Variants in ERCC6 observed in about 807,000 individuals in gnomAD.
The protein encoded by ERCC6 is DNA excision repair protein ERCC-6.
Under a neutral mutation model 158.7 loss-of-function variants are expected in ERCC6, and 116 were observed. That is an observed-to-expected ratio of 0.73 (90% CI 0.63 to 0.85). The LOEUF (loss-of-function observed/expected upper bound fraction) is 0.85. Among genes scored for constraint, ERCC6 ranks in the 40% least tolerant of loss-of-function variants. The probability of loss-of-function intolerance (pLI) is 0.00; values close to 1 mark genes in which losing one functional copy is unlikely to be tolerated. For synonymous variants in ERCC6, 678 were observed against 659.3 expected, an observed-to-expected ratio of 1.03 and a Z score of -0.43; for missense variants, 1,698 against 1,799.4, an observed-to-expected ratio of 0.94 and a Z score of 1.02.
chr10:49,526,399 G>A (rs1239553982), intron 4 of ERCC6, among the ~76,000 whole-genome samples: 1 of 151,822 alleles, frequency 6.6e-6, no homozygotes, highest in Non-Finnish European at 1.5e-5. Context: ...TGTGTAGGAA[G>A]TGTTCCAGTC....
Position 49,478,376 on chromosome 10 carries a change from G to A in ERCC6, c.2264C>T (p.Ser755Phe). 6.2e-7 allele frequency: 1 copy of A among 1,612,952 alleles called. No homozygotes were observed. Among genetic ancestry groups the A allele is most frequent in the Non-Finnish European group, 8.5e-7 (1 of 1,178,922 alleles). The change falls in exon 11 of 21, where the codon TCT becomes TTT. Residue 755 changes from serine (S) to phenylalanine (F), a missense_variant. Ser to Phe is a radical substitution (Grantham distance 155). Coordinates refer to ENST00000355832, the MANE Select transcript of ERCC6 (RefSeq NM_000124.4). ...GACCTGTTCATTTTTATCTGGCAAA[G>A]AAAGGCTCATCTTGACATCTGACTT... ...RMKSDVKMSL[S>F]LPDKNEQVLF... is the part of the protein sequence containing the mutation.
At chr10:49,535,219 G>A (rs1837569257) in intron 1 of ERCC6, among the ~76,000 whole-genome samples, 2 of 152,216 alleles carry the variant, frequency 1.3e-5, no homozygotes, top group African/African-American at 4.8e-5. Context: ...AAAGGAAGCA[G>A]ATAGGAAGCA....
chr10:49,524,240 C>T lies in ERCC6; in HGVS notation c.1190G>A (p.Gly397Glu). Residue 397 changes from glycine to glutamate, a missense_variant, in exon 5 of 21, where the codon GGA becomes GAA. Physicochemically the swap from Gly to Glu is moderately conservative, Grantham distance 98 (BLOSUM62 -2). Transcript: ENST00000355832. ...EVEGAEADLS[G>E]DGTDYELKPL... Reference sequence around the variant, plus strand: ...CTTCAGCTCATAGTCAGTACCATCTCCAGACAGGTCCGCCTCTGCCCCCTC... The same window carrying T: ...CTTCAGCTCATAGTCAGTACCATCTTCAGACAGGTCCGCCTCTGCCCCCTC... The T allele has an allele frequency of 6.2e-7, 1 of 1,614,148 alleles. No homozygotes were observed. The highest frequency in any genetic ancestry group is 8.5e-7 in the Non-Finnish European group (1 of 1,180,026).
intron 10 of ERCC6, among the ~76,000 whole-genome samples, chr10:49,478,781 T>C (rs1299254563): frequency 6.6e-6 from 1 of 152,210 alleles, no homozygotes; most frequent in Non-Finnish European, 1.5e-5. Flanking sequence ...TACTATACAG[T>C]TAAACCCTAA....
intron 5 of ERCC6, among the ~76,000 whole-genome samples, chr10:49,514,257 C>T (rs941674950): frequency 6.6e-6 from 1 of 152,168 alleles, no homozygotes; most frequent in African/African-American, 2.4e-5. Flanking sequence ...CACTACACCC[C>T]TGCAAACTTT....
intron 18 of ERCC6, among the ~76,000 whole-genome samples, chr10:49,465,713 G>T (rs1464874362): frequency 6.6e-6 from 1 of 152,116 alleles, no homozygotes; most frequent in Admixed American, 6.6e-5. Context: ...TTAAAAATGG[G>T]AATTTCTCTG....
At chr10:49,501,434 A>G (rs2132576231) in intron 6 of ERCC6, 1 of 152,358 alleles carries the variant, frequency 6.6e-6, no homozygotes. Flanking sequence ...AATAAGGAAT[A>G]TGGGTCAAAG....
rs754332267 is a variant in ERCC6, at chr10:49,515,389, C to T, written c.1397+8644G>A. Reference sequence around the variant, plus strand: ...ACATGTAAGGCAACATCACATTTTTCACATCGAAAAGTTGTGTTCTTATGA... The same window carrying T: ...ACATGTAAGGCAACATCACATTTTTTACATCGAAAAGTTGTGTTCTTATGA... On this transcript the variant is annotated intron_variant, in intron 5 of 20. Transcript: ENST00000355832. 8.7e-6 allele frequency: 14 copies of T among 1,613,766 alleles called. No individual in the cohort carries two copies. The Admixed American group carries it at 2.3e-4, about 27-fold the overall frequency.
At chr10:49,484,581 A>T (rs1230324920) in intron 8 of ERCC6, among the ~76,000 whole-genome samples, 1 of 152,116 alleles carries the variant, frequency 6.6e-6, no homozygotes, top group African/African-American at 2.4e-5. Flanking sequence ...CTCTACAAAA[A>T]ATAAAAAAAT....
chr10:49,515,898 T>C, intron 5 of ERCC6: 1 of 1,614,208 alleles, frequency 6.2e-7, no homozygotes, highest in Non-Finnish European at 8.5e-7. Context: ...AATATTGCCT[T>C]TGCCATCAAT....
chr10:49,512,225 CA>C (rs985145335), intron 5 of ERCC6, among the ~76,000 whole-genome samples: 15 of 152,162 alleles, frequency 9.9e-5, no homozygotes, highest in Non-Finnish European at 1.8e-4. Context: ...ACATTCCAGT[CA>C]GGACATCCTA....
chr10:49,480,952 T>C (rs888942064), intron 10 of ERCC6, among the ~76,000 whole-genome samples: 2 of 152,234 alleles, frequency 1.3e-5, no homozygotes, highest in Admixed American at 6.5e-5. Flanking sequence ...CGGAAACTAC[T>C]GGAACTGACA....
chr10:49,444,920 A>G, the ERCC6 span, among the ~76,000 whole-genome samples: 2 of 152,214 alleles, frequency 1.3e-5, no homozygotes, highest in African/African-American at 4.8e-5. Flanking sequence ...GTATTAGCCA[A>G]TTGAAACCAG....
intron 1 of ERCC6, among the ~76,000 whole-genome samples, chr10:49,537,718 ATTT>A (rs113515150): frequency 6.8e-6 from 1 of 146,282 alleles, no homozygotes; most frequent in Non-Finnish European, 1.5e-5. Context: ...AACGTGTGAA[ATTT>A]TTTTTTTTTT....
chr10:49,472,546 GCTGGTCACTAC>G, intron 15 of ERCC6, 76 bp from the exon 16 acceptor site: 1 of 1,457,278 alleles, frequency 6.9e-7, no homozygotes, highest in Non-Finnish European at 9.6e-7. Context: ...AACAAAGCTA[GCTGGTCACTAC>G]CTGTCACTCC....
intron 15 of ERCC6, 136 bp downstream of exon 15, chr10:49,472,773 C>G (rs776827846): frequency 1.9e-6 from 2 of 1,069,432 alleles, no homozygotes; most frequent in Admixed American, 4.9e-5. Flanking sequence ...TCTTCTTTCA[C>G]GTTGAAGAAC....
chr10:49,451,177 G>GCTT (rs1554872628), downstream of ERCC6, among the ~76,000 whole-genome samples: 1 of 130,144 alleles, frequency 7.7e-6, no homozygotes, highest in Non-Finnish European at 1.6e-5. Flanking sequence ...AGTTTCAATA[G>GCTT]TTTTTTTTTT....
At chr10:49,475,943 G>A (rs992850226) in intron 12 of ERCC6, among the ~76,000 whole-genome samples, 2 of 152,194 alleles carry the variant, frequency 1.3e-5, no homozygotes, top group African/African-American at 4.8e-5. Context: ...GGAAGTAACA[G>A]TAACTGCACA....
At chr10:49,516,338 T>G (rs1425891205) in intron 5 of ERCC6, 1 of 1,614,012 alleles carries the variant, frequency 6.2e-7, no homozygotes, top group African/African-American at 1.3e-5. Context: ...TTGGAACAAA[T>G]TTCATGCATC....
Sources: allele counts gnomAD v4.1 joint callset (sites outside exome capture counted in the v4.1 genomes callset), GRCh38; gene constraint gnomAD v4.1.1; transcripts MANE v1.5; gene names NCBI Gene and HGNC (gene_info 2026-07-23, HGNC 2026-07-21).